Variants in TACC2 observed in about 807,000 individuals in gnomAD.
TACC2 encodes transforming acidic coiled-coil-containing protein 2.
A neutral mutation model predicts 227.3 loss-of-function variants in TACC2; 137 were observed. The ratio of observed to expected loss-of-function variants is 0.60; its 90% CI spans 0.52 to 0.69. TACC2 has a LOEUF of 0.69. Ranked by LOEUF, TACC2 falls within the 30% of genes least tolerant of loss-of-function variation. The pLI is 0.00. For synonymous variants in TACC2, 1,523 were observed against 1,487.5 expected (o/e 1.02, Z -0.55); for missense variants, 3,470 against 3,694.4 (o/e 0.94, Z 1.57).
At chr10:122,069,815 A>G (rs1320479495) in intron 3 of TACC2, among the ~76,000 whole-genome samples, 4 of 152,170 alleles carry the variant, frequency 2.6e-5, no homozygotes, top group Non-Finnish European at 5.9e-5. Context: ...GCCGCGGGCA[A>G]AGTTGTTTCT....
intron 11 of TACC2, among the ~76,000 whole-genome samples, chr10:122,220,038 CA>C (rs1238298687): frequency 0.04 from 3,847 of 95,798 alleles, 126 homozygotes; most frequent in African/African-American, 0.11. Context: ...ACTCTGTCTC[CA>C]AAAAAAAAAA....
chr10:122,239,682 C>T (rs915195608), intron 18 of TACC2, among the ~76,000 whole-genome samples: 4 of 152,092 alleles, frequency 2.6e-5, no homozygotes, highest in Non-Finnish European at 4.4e-5. Context: ...TTCTTGGTGC[C>T]TGGGGAGTGC....
At chr10:122,091,314 A>G (rs1354143092) in intron 5 of TACC2, among the ~76,000 whole-genome samples, 2 of 152,184 alleles carry the variant, frequency 1.3e-5, no homozygotes, top group Non-Finnish European at 2.9e-5. Flanking sequence ...TATGCAAAAT[A>G]ATAATATTTT....
intron 6 of TACC2, 55 bp from the exon 7 acceptor site, chr10:122,143,517 T>G: frequency 6.3e-7 from 1 of 1,581,730 alleles, no homozygotes; most frequent in Non-Finnish European, 8.6e-7. Flanking sequence ...GCCTGATGAA[T>G]GTGCCATTAA....
chr10:121,992,383 CCTTTA>C (rs1953063004), intron 1 of TACC2, among the ~76,000 whole-genome samples: 2 of 152,076 alleles, frequency 1.3e-5, no homozygotes, highest in African/African-American at 2.4e-5. Context: ...TGTAGGGGCC[CCTTTA>C]CTTTAATGCT....
intron 6 of TACC2, among the ~76,000 whole-genome samples, chr10:122,139,217 G>A (rs2090161066): frequency 6.6e-6 from 1 of 152,232 alleles, no homozygotes. Flanking sequence ...TCTCTGTGAA[G>A]GTAAAGTGGA....
At chr10:122,088,720 A>G in intron 5 of TACC2, 129 bp downstream of exon 5, 1 of 1,543,880 alleles carries the variant, frequency 6.5e-7, no homozygotes, top group Non-Finnish European at 8.7e-7. Context: ...GCAAATGGCC[A>G]TTCCCGTTTT....
intron 6 of TACC2, among the ~76,000 whole-genome samples, chr10:122,133,873 A>G (rs992194287): frequency 6.6e-6 from 1 of 152,210 alleles, no homozygotes; most frequent in Non-Finnish European, 1.5e-5. Context: ...CTGGAACCGC[A>G]GTACCCAAGA....
intron 5 of TACC2, among the ~76,000 whole-genome samples, chr10:122,105,608 C>T (rs1009744097): frequency 6.6e-6 from 1 of 151,042 alleles, no homozygotes; most frequent in African/African-American, 2.4e-5. Context: ...TTCCACGTAG[C>T]GTCCTGTCTT....
chr10:122,243,948 C>T (rs896830261), intron 19 of TACC2, among the ~76,000 whole-genome samples: 6 of 152,232 alleles, frequency 3.9e-5, no homozygotes, highest in African/African-American at 1.4e-4. Flanking sequence ...CAGACATTCC[C>T]TCTTGAAAAT....
intron 5 of TACC2, among the ~76,000 whole-genome samples, chr10:122,115,009 C>T (rs188562361): frequency 6.6e-6 from 1 of 152,326 alleles, no homozygotes; most frequent in African/African-American, 2.4e-5. Context: ...TTGGCCAGGG[C>T]CACACATCAA....
intron 5 of TACC2, among the ~76,000 whole-genome samples, chr10:122,108,442 C>CTTT (rs34097153): frequency 1.0e-3 from 92 of 90,036 alleles, no homozygotes; most frequent in Admixed American, 1.5e-3. Context: ...GTCATATTTT[C>CTTT]TTTTTTTTTT....
chr10:122,188,512 C>G (rs2094294277), intron 7 of TACC2, among the ~76,000 whole-genome samples: 1 of 152,140 alleles, frequency 6.6e-6, no homozygotes, highest in Admixed American at 6.5e-5. Context: ...TGGTCTTGAA[C>G]TCCTGACCTC....
intron 5 of TACC2, among the ~76,000 whole-genome samples, chr10:122,127,757 A>G (rs2087164575): frequency 6.6e-6 from 1 of 152,184 alleles, no homozygotes; most frequent in African/African-American, 2.4e-5. Context: ...TCCCATCCTT[A>G]GCCACCTGGA....
chr10:122,185,059 T>C (rs535470572), intron 7 of TACC2, among the ~76,000 whole-genome samples: 1 of 146,656 alleles, frequency 6.8e-6, no homozygotes, highest in Non-Finnish European at 1.5e-5. Context: ...AGAGCTGGGA[T>C]CTCATCATGT....
At position 122,084,421 on chromosome 10, in the gene TACC2, G is replaced by A; in HGVS notation, c.1921G>A (p.Ala641Thr). Residue 641 changes from alanine (A) to threonine (T), a missense_variant, in exon 4 of 23, where the codon GCT becomes ACT. By Grantham distance (58) the Ala-to-Thr change is moderately conservative. This residue lies in a region of TACC2 where 1,924 missense variants were observed against 1,978.3 expected (regional missense o/e 0.97). Coordinates refer to ENST00000369005, the MANE Select transcript of TACC2 (RefSeq NM_206862.4). ...HSAQPPRKGG[A>T]GHTDGPHSQT... ...AGCACAGCCACCCAGAAAGGGGGGT[G>A]CTGGGCACACGGACGGGCCCCACTC... The A allele has an allele frequency of 6.2e-7, 1 of 1,612,932 alleles. No homozygotes were observed. The highest frequency in any genetic ancestry group is 8.5e-7 in the Non-Finnish European group (1 of 1,180,030).
chr10:122,164,609 A>C (rs957997131), intron 7 of TACC2, among the ~76,000 whole-genome samples: 3 of 152,204 alleles, frequency 2.0e-5, no homozygotes, highest in African/African-American at 7.2e-5. Flanking sequence ...CCACAGAGCT[A>C]ACGTGCTCAG....
intron 2 of TACC2, among the ~76,000 whole-genome samples, chr10:122,047,092 T>C (rs4335472): frequency 0.19 from 29,286 of 151,148 alleles, 3,180 homozygotes; most frequent in Admixed American, 0.27. Context: ...AGTTCGAGAC[T>C]AGCCTGGCCA....
intron 5 of TACC2, 36 bp from the exon 6 acceptor site, chr10:122,132,573 T>G (rs531354310): frequency 4.3e-6 from 7 of 1,612,498 alleles, no homozygotes; most frequent in Non-Finnish European, 5.9e-6. Flanking sequence ...GTAGGAATGT[T>G]TCTGAGTTTA....
Sources: gnomAD v4.1 joint callset for allele counts (sites outside exome capture counted in the v4.1 genomes callset) on GRCh38, gnomAD v4.1.1 for gene constraint, gnomAD v4.1.1 regional missense constraint, MANE v1.5 for transcripts, NCBI Gene and HGNC (gene_info 2026-07-23, HGNC 2026-07-21) for gene names.